FAM91A1: variants seen among roughly 807,000 people sequenced by gnomAD.
FAM91A1 encodes the protein family with sequence similarity 91 member A1.
FAM91A1 carries 41 observed loss-of-function variants against 113.5 expected under a neutral mutation model. That is an observed-to-expected ratio of 0.36 (90% confidence interval 0.28 to 0.47). The LOEUF is 0.47. FAM91A1 is among the 20% of genes least tolerant of loss of function. The pLI, the probability that FAM91A1 is intolerant of heterozygous loss-of-function variation, is 1.00. For missense variants in FAM91A1, 696 were observed against 1,001.2 expected, an observed-to-expected ratio of 0.70 and a Z score of 4.11; for synonymous variants, 307 against 347.9, an observed-to-expected ratio of 0.88 and a Z score of 1.31.
intron 23 of FAM91A1, chr8:123,810,982 C>T (rs964666575): frequency 3.4e-4 from 52 of 152,338 alleles, no homozygotes; most frequent in African/African-American, 1.2e-3. Flanking sequence ...AGACAATAAT[C>T]AGATAAATAT....
intron 18 of FAM91A1, among the ~76,000 whole-genome samples, chr8:123,801,886 T>C (rs1815691341): frequency 1.3e-5 from 2 of 152,084 alleles, no homozygotes; most frequent in African/African-American, 4.8e-5. Flanking sequence ...AGTTAGTGTT[T>C]GTGGAATAAA....
chr8:123,795,869 G>T (rs151071149), intron 15 of FAM91A1, among the ~76,000 whole-genome samples: 1 of 152,140 alleles, frequency 6.6e-6, no homozygotes, highest in African/African-American at 2.4e-5. Context: ...TCAGGACTGC[G>T]CTTATCTATA....
intron 20 of FAM91A1, among the ~76,000 whole-genome samples, chr8:123,807,748 A>C (rs1339679177): frequency 1.3e-5 from 2 of 152,196 alleles, no homozygotes; most frequent in African/African-American, 4.8e-5. Context: ...ACAGTAGTTC[A>C]TTGTGGCCAA....
chr8:123,775,670 AAATT>A (rs1814966242), intron 3 of FAM91A1, among the ~76,000 whole-genome samples: 3 of 152,168 alleles, frequency 2.0e-5, no homozygotes, highest in African/African-American at 7.2e-5. Context: ...TGTTCTGAGA[AAATT>A]AATGTATTTA....
chr8:123,771,000 C>A (rs976773575), intron 1 of FAM91A1, among the ~76,000 whole-genome samples: 17 of 152,216 alleles, frequency 1.1e-4, no homozygotes, highest in African/African-American at 4.1e-4. Context: ...ACTTTCTCTG[C>A]ATTCTTCATG....
In FAM91A1 at chr8:123,808,285, G is replaced by A. The variant is rs533101747; in HGVS notation, c.2046G>A (p.Leu682=). The change falls in exon 21 of 24, where the codon TTG becomes TTA. Residue 682 remains leucine, a synonymous_variant. Coordinates refer to ENST00000334705, the MANE Select transcript of FAM91A1 (RefSeq NM_144963.4). The stretch of plus-strand genomic sequence containing the variant: ...TTTAATTATAAGGAGAACCTGATTT[G>A]GCTTCTGGCTCAGATGTAAATGGGA... ...DASDERGEPD[L]ASGSDVNGST... 1.3e-5 allele frequency: 21 copies of A among 1,612,216 alleles called. No homozygotes were observed. In the South Asian group the frequency reaches 2.2e-4, roughly 17 times the overall value.
chr8:123,776,802 A>G (rs1814994227), intron 3 of FAM91A1, among the ~76,000 whole-genome samples: 1 of 152,182 alleles, frequency 6.6e-6, no homozygotes, highest in Admixed American at 6.5e-5. Flanking sequence ...GCTGGATACC[A>G]AGTTTAGCTC....
chr8:123,805,960 C>A (rs933840919), intron 19 of FAM91A1, 120 bp from the exon 20 acceptor site: 4 of 946,736 alleles, frequency 4.2e-6, no homozygotes, highest in African/African-American at 1.7e-5. Context: ...TTTTTGGAAT[C>A]AATTATGATG....
chr8:123,776,715 TC>T (rs1287231561), intron 3 of FAM91A1, among the ~76,000 whole-genome samples: 1 of 152,230 alleles, frequency 6.6e-6, no homozygotes, highest in Middle Eastern at 3.2e-3. Flanking sequence ...TGGGTATAGT[TC>T]CTCGGTAGAA....
chr8:123,804,103 CATG>C (rs1268666552), intron 18 of FAM91A1, among the ~76,000 whole-genome samples: 18 of 152,128 alleles, frequency 1.2e-4, no homozygotes, highest in African/African-American at 4.3e-4. Context: ...TCATTTGTAA[CATG>C]AGAGTGAAGT....
At chr8:123,780,611 C>A in intron 8 of FAM91A1, 69 bp downstream of exon 8, 2 of 1,254,004 alleles carry the variant, frequency 1.6e-6, no homozygotes, top group Non-Finnish European at 2.3e-6. Flanking sequence ...GCATATCATC[C>A]GTTCTAGGAT....
chr8:123,787,884 A>T (rs114825612), intron 14 of FAM91A1, 134 bp downstream of exon 14: 83 of 616,724 alleles, frequency 1.3e-4, no homozygotes, highest in African/African-American at 1.2e-3. Context: ...CTCATTCCCC[A>T]AATTAGTACT....
intron 5 of FAM91A1, 138 bp downstream of exon 5, chr8:123,778,230 C>A: frequency 1.7e-6 from 1 of 600,282 alleles, no homozygotes; most frequent in East Asian, 3.0e-5. Flanking sequence ...AAAAAAAACT[C>A]CTCAGTATTC....
chr8:123,775,434 A>G (rs929378261), intron 3 of FAM91A1, 136 bp downstream of exon 3: 47 of 1,073,206 alleles, frequency 4.4e-5, no homozygotes, highest in Non-Finnish European at 5.4e-5. Context: ...AAAAAGGACT[A>G]TTGGTGGCTT....
At chr8:123,784,887 G>A in intron 9 of FAM91A1, 194 bp from the exon 10 acceptor site, 1 of 452,694 alleles carries the variant, frequency 2.2e-6, no homozygotes, top group East Asian at 3.7e-5. Flanking sequence ...AATTGTTATG[G>A]TCACTCCATG....
intron 16 of FAM91A1, among the ~76,000 whole-genome samples, chr8:123,798,595 G>A (rs1033005128): frequency 2.6e-5 from 4 of 152,136 alleles, no homozygotes; most frequent in Non-Finnish European, 4.4e-5. Context: ...TGAATAAGCC[G>A]AAAAGAAAAG....
intron 23 of FAM91A1, 61 bp downstream of exon 23, chr8:123,810,412 T>A (rs765989099): frequency 5.6e-5 from 80 of 1,431,098 alleles, no homozygotes; most frequent in Non-Finnish European, 7.4e-5. Context: ...GCACAACACT[T>A]CTGTGTTTGT....
intron 20 of FAM91A1, among the ~76,000 whole-genome samples, chr8:123,807,270 C>T (rs999382605): frequency 1.2e-4 from 19 of 152,068 alleles, no homozygotes; most frequent in Non-Finnish European, 2.4e-4. Context: ...AGCGTATCTA[C>T]TACAGCTCTC....
intron 7 of FAM91A1, 22 bp from the exon 8 acceptor site, chr8:123,780,458 C>A (rs766308850): frequency 6.3e-7 from 1 of 1,583,450 alleles, no homozygotes; most frequent in Non-Finnish European, 8.6e-7. Context: ...CCATCTAAAA[C>A]AAGGTACTTT....
Sources: allele counts gnomAD v4.1 joint callset (sites outside exome capture counted in the v4.1 genomes callset), GRCh38; gene constraint gnomAD v4.1.1; transcripts MANE v1.5; gene names NCBI Gene and HGNC (gene_info 2026-07-23, HGNC 2026-07-21).